BRD4: variants seen among roughly 807,000 people sequenced by gnomAD.
The protein encoded by BRD4 is bromodomain containing 4.
Under a neutral mutation model 142.1 loss-of-function variants are expected in BRD4, and 16 were observed. That is an observed-to-expected ratio of 0.11 (90% confidence interval 0.08 to 0.17). The LOEUF is 0.17. BRD4 is among the 10% of genes least tolerant of loss of function. The pLI is 1.00. For missense variants in BRD4, 1,424 were observed against 1,810.9 expected (o/e 0.79, Z 3.88); for synonymous variants, 833 against 707.5 (o/e 1.18, Z -2.82).
intron 1 of BRD4, among the ~76,000 whole-genome samples, chr19:15,314,332 T>C (rs1474964019): frequency 2.0e-5 from 3 of 152,160 alleles, no homozygotes; most frequent in African/African-American, 7.2e-5. Context: ...GACAAAACTA[T>C]TAAACATGAT....
intron 1 of BRD4, among the ~76,000 whole-genome samples, chr19:15,290,262 T>C (rs2047771877): frequency 6.6e-6 from 1 of 152,134 alleles, no homozygotes; most frequent in South Asian, 2.1e-4. Flanking sequence ...TTATTAAAAG[T>C]GTATTCAAAG....
chr19:15,246,653 C>T (rs1009804087), intron 11 of BRD4: 7 of 152,046 alleles, frequency 4.6e-5, no homozygotes, highest in Non-Finnish European at 1.0e-4. Flanking sequence ...TAACCCCTCA[C>T]AGCCTGCAGG....
In BRD4 at chr19:15,323,177, T is replaced by TAA. The variant is rs1568412782; in HGVS notation, c.-35+9112_-35+9113insTT. Among the ~76,000 whole-genome samples the TAA allele has an allele frequency of 1.2e-4, 4 of 32,232 alleles. 1 individual carries two copies. The highest frequency in any genetic ancestry group is 9.5e-4 in the African/African-American group (3 of 3,150). 21.1% of individuals were successfully genotyped at this position (32,232 alleles called of 152,430 possible). A position where few individuals can be genotyped will look rare whatever the true frequency, so the allele number is the denominator to read the frequency against. ...AGCAACACAGCAAGACTCCATCTCT[T>TAA]TAAAAAAAAAAAAAAAAAAAAAAAA... On this transcript the variant is annotated intron_variant, in intron 1 of 19. Transcript: ENST00000679869.
intron 1 of BRD4, among the ~76,000 whole-genome samples, chr19:15,278,434 C>T (rs1434080217): frequency 1.3e-5 from 2 of 150,758 alleles, no homozygotes; most frequent in Non-Finnish European, 2.9e-5. Context: ...ACTCCAGAGG[C>T]TGAGACAGGA....
intron 1 of BRD4, among the ~76,000 whole-genome samples, chr19:15,291,235 C>G (rs140379700): frequency 6.6e-6 from 1 of 152,294 alleles, no homozygotes; most frequent in African/African-American, 2.4e-5. Context: ...AGCCAAACAG[C>G]AGGTGCCTGG....
chr19:15,295,270 C>T (rs1171339083), intron 1 of BRD4, among the ~76,000 whole-genome samples: 1 of 152,196 alleles, frequency 6.6e-6, no homozygotes, highest in Non-Finnish European at 1.5e-5. Context: ...CAGGTTCCCG[C>T]ATCTCTCTCA....
intron 1 of BRD4, among the ~76,000 whole-genome samples, chr19:15,329,270 TAC>T (rs1332357745): frequency 6.6e-6 from 1 of 152,160 alleles, no homozygotes; most frequent in Non-Finnish European, 1.5e-5. Context: ...CTTTCCTTTT[TAC>T]AGATTTGCCA....
intron 1 of BRD4, among the ~76,000 whole-genome samples, chr19:15,296,257 TA>T (rs558813778): frequency 0.016 from 2,232 of 142,440 alleles, 32 homozygotes; most frequent in Non-Finnish European, 0.021. Context: ...CATCTCAAAA[TA>T]AAAAAAAAAA....
At chr19:15,297,404 C>T (rs960882059) in intron 1 of BRD4, among the ~76,000 whole-genome samples, 84 of 152,270 alleles carry the variant, frequency 5.5e-4, no homozygotes, top group Non-Finnish European at 2.2e-4. Flanking sequence ...GAATAAACAA[C>T]GTACACACGA....
At chr19:15,254,500 C>G (rs1004688441) in intron 10 of BRD4, among the ~76,000 whole-genome samples, 1 of 152,174 alleles carries the variant, frequency 6.6e-6, no homozygotes, top group Non-Finnish European at 1.5e-5. Context: ...CAAAAAGTCT[C>G]CTTTGGGGGG....
rs1466262608 is a variant in BRD4 at position 15,299,492 on chromosome 19, G to T, written c.-34-26359C>A. On this transcript the variant is annotated intron_variant, in intron 1 of 19. Transcript: ENST00000679869. ...TTGGTGGTGGTGGTGGGTAGGGGGT[G>T]AATGAAGAAGACAGGTAAGGCCTGG... is the stretch of plus-strand genomic sequence containing the variant. Among the ~76,000 whole-genome samples, 4 of 152,288 alleles carry T rather than the reference G, an allele frequency of 2.6e-5. No individual in the cohort carries two copies. The South Asian group carries it at 8.3e-4, about 32-fold the overall frequency.
chr19:15,287,133 G>A (rs2047745738), intron 1 of BRD4, among the ~76,000 whole-genome samples: 1 of 152,160 alleles, frequency 6.6e-6, no homozygotes, highest in Non-Finnish European at 1.5e-5. Context: ...CATCACCTGT[G>A]TGAATGGGGG....
At chr19:15,254,608 G>A (rs1002519423) in intron 10 of BRD4, among the ~76,000 whole-genome samples, 1 of 152,186 alleles carries the variant, frequency 6.6e-6, no homozygotes, top group Non-Finnish European at 1.5e-5. Context: ...TCTTCTAGCA[G>A]GGGAAGAAGA....
intron 1 of BRD4, among the ~76,000 whole-genome samples, chr19:15,313,734 T>G (rs939274660): frequency 2.0e-5 from 3 of 152,178 alleles, no homozygotes; most frequent in Admixed American, 6.5e-5. Context: ...ATATTTATAT[T>G]TCATAATCTG....
At chr19:15,253,638 A>C in intron 11 of BRD4, 1 of 1,597,470 alleles carries the variant, frequency 6.3e-7, no homozygotes, top group Non-Finnish European at 8.5e-7. Context: ...CAGGGCCAGC[A>C]GCAGACTGGC....
intron 5 of BRD4, 110 bp downstream of exon 5, chr19:15,265,244 A>G: frequency 9.0e-7 from 1 of 1,115,504 alleles, no homozygotes; most frequent in Non-Finnish European, 1.2e-6. Context: ...ATCTCCCCAG[A>G]AACACCCACC....
rs757824195 is a variant in BRD4, at chr19:15,272,798, C to A, written c.285+17G>T. ...ACCTCCAGGACGGCCACCCTGGGCCCTGCCCACACTACTCACAGGGAGGTT... is the reference window on the plus strand; with the variant it reads ...ACCTCCAGGACGGCCACCCTGGGCCATGCCCACACTACTCACAGGGAGGTT... On this transcript the variant is annotated intron_variant, in intron 2 of 19. Coordinates refer to ENST00000679869, the MANE Select transcript of BRD4 (RefSeq NM_001379291.1). 6.2e-7 allele frequency: 1 copy of A among 1,608,368 alleles called. No individual in the cohort carries two copies. Among genetic ancestry groups the A allele is most frequent in the South Asian group, 1.1e-5 (1 of 90,786 alleles).
chr19:15,258,753 T>A (rs544674173), intron 7 of BRD4, among the ~76,000 whole-genome samples: 1 of 152,154 alleles, frequency 6.6e-6, no homozygotes, highest in Admixed American at 6.5e-5. Flanking sequence ...GAGACCACCA[T>A]GCCCAGCTAA....
rs201208122 is a variant in BRD4 at position 15,272,804 on chromosome 19, A to G, written c.285+11T>C. On this transcript the variant is annotated intron_variant, in intron 2 of 19. Transcript: ENST00000679869. ...AGGACGGCCACCCTGGGCCCTGCCC[A>G]CACTACTCACAGGGAGGTTCAGCTT... The G allele has an allele frequency of 6.2e-7, 1 of 1,610,642 alleles. No homozygotes were observed. The highest frequency in any genetic ancestry group is 8.5e-7 in the Non-Finnish European group (1 of 1,177,550).
Sources: allele counts gnomAD v4.1 joint callset (sites outside exome capture counted in the v4.1 genomes callset), GRCh38; gene constraint gnomAD v4.1.1; transcripts MANE v1.5; gene names NCBI Gene and HGNC (gene_info 2026-07-23, HGNC 2026-07-21).